The following CTNNA3 variants were observed in gnomAD, a reference collection of about 807,000 sequenced individuals.
CTNNA3 encodes catenin alpha 3.
In CTNNA3, 76 loss-of-function variants were observed where a neutral mutation model predicts 95.7. The observed-to-expected ratio is 0.79, with a 90% CI of 0.66 to 0.96. The LOEUF is 0.96. Ranked by LOEUF, CTNNA3 falls within the 40% of genes least tolerant of loss-of-function variation. The pLI is 0.00. For missense variants in CTNNA3, 1,191 were observed against 1,089.8 expected, an observed-to-expected ratio of 1.09 and a Z score of -1.31; for synonymous variants, 431 against 374.4, an observed-to-expected ratio of 1.15 and a Z score of -1.74.
At chr10:66,191,753 TG>T (rs1336431579) in intron 13 of CTNNA3, among the ~76,000 whole-genome samples, 1 of 152,186 alleles carries the variant, frequency 6.6e-6, no homozygotes, top group African/African-American at 2.4e-5. Flanking sequence ...GACTCTTCTT[TG>T]GGGACAGACT....
chr10:67,187,854 G>A (rs1232557891), intron 6 of CTNNA3, among the ~76,000 whole-genome samples: 1 of 152,134 alleles, frequency 6.6e-6, no homozygotes, highest in Non-Finnish European at 1.5e-5. Flanking sequence ...CCACAGTGCT[G>A]GAATTATAGG....
At chr10:65,941,361 C>T (rs762584058) in intron 17 of CTNNA3, among the ~76,000 whole-genome samples, 5 of 152,168 alleles carry the variant, frequency 3.3e-5, no homozygotes, top group Non-Finnish European at 7.3e-5. Context: ...GTCTACCTGA[C>T]TCCAAAGCCA....
At chr10:67,557,159 C>G (rs995627314) in intron 3 of CTNNA3, among the ~76,000 whole-genome samples, 8 of 152,058 alleles carry the variant, frequency 5.3e-5, no homozygotes, top group African/African-American at 1.9e-4. Flanking sequence ...AATGGCTAAC[C>G]TTGACTATAA....
At chr10:67,181,948 A>C (rs1471074624) in intron 6 of CTNNA3, among the ~76,000 whole-genome samples, 3 of 152,166 alleles carry the variant, frequency 2.0e-5, no homozygotes, top group Non-Finnish European at 4.4e-5. Flanking sequence ...CAATTGCTAC[A>C]AAGAGAATAA....
At chr10:67,159,377 C>T (rs557619884) in intron 7 of CTNNA3, among the ~76,000 whole-genome samples, 16 of 152,196 alleles carry the variant, frequency 1.1e-4, no homozygotes, top group South Asian at 6.2e-4. Context: ...GTTTTGTCTG[C>T]GGCTCGTCCT....
At chr10:66,109,918 T>A (rs1414509727) in intron 13 of CTNNA3, among the ~76,000 whole-genome samples, 2 of 152,054 alleles carry the variant, frequency 1.3e-5, no homozygotes, top group East Asian at 1.9e-4. Flanking sequence ...ATTTGTTTTT[T>A]AAATTTTTAA....
At chr10:67,581,425 G>A (rs1842391592) in intron 3 of CTNNA3, among the ~76,000 whole-genome samples, 1 of 152,192 alleles carries the variant, frequency 6.6e-6, no homozygotes, top group Non-Finnish European at 1.5e-5. Context: ...CATCACGGTG[G>A]ATAAGCTTTT....
intron 5 of CTNNA3, among the ~76,000 whole-genome samples, chr10:67,493,640 T>G (rs1473718347): frequency 6.6e-6 from 1 of 152,204 alleles, no homozygotes; most frequent in African/African-American, 2.4e-5. Flanking sequence ...TTTTTAATTA[T>G]TTTCATGATT....
At chr10:65,959,996 C>T (rs1670166) in intron 17 of CTNNA3, among the ~76,000 whole-genome samples, 1 of 151,940 alleles carries the variant, frequency 6.6e-6, no homozygotes. Flanking sequence ...GTGAACTTAG[C>T]TTATTTTCTC....
At chr10:66,950,291 G>T (rs1285306710) in intron 7 of CTNNA3, among the ~76,000 whole-genome samples, 1 of 151,660 alleles carries the variant, frequency 6.6e-6, no homozygotes, top group Non-Finnish European at 1.5e-5. Flanking sequence ...TTTCTAACTT[G>T]AAGTATATTT....
Position 66,033,218 on chromosome 10 carries a change from C to T in CTNNA3, c.2159+36090G>A, listed in dbSNP as rs962385382. ...CTATCTCGGCTCACTGCAACCTCCA[C>T]ATGCTGGGTTCACGCCATTCTCCTG... On this transcript the variant is annotated intron_variant, in intron 15 of 17. Coordinates refer to ENST00000433211, the MANE Select transcript of CTNNA3 (RefSeq NM_013266.4). Among the ~76,000 whole-genome samples the T allele has an allele frequency of 8.6e-5, 13 of 151,206 alleles. No individual in the cohort carries two copies. In the South Asian group the frequency reaches 1.3e-3, roughly 15 times the overall value.
intron 7 of CTNNA3, among the ~76,000 whole-genome samples, chr10:67,131,904 A>G (rs920596136): frequency 1.3e-5 from 2 of 152,092 alleles, no homozygotes; most frequent in Non-Finnish European, 2.9e-5. Flanking sequence ...TTAACTTAGA[A>G]TGGGAATTCA....
chr10:67,124,617 G>A (rs1859628552), intron 7 of CTNNA3, among the ~76,000 whole-genome samples: 1 of 151,984 alleles, frequency 6.6e-6, no homozygotes. Context: ...TTTAGTGTTC[G>A]AAATTTTACA....
At chr10:67,580,510 C>A (rs894825626) in intron 3 of CTNNA3, among the ~76,000 whole-genome samples, 7 of 151,712 alleles carry the variant, frequency 4.6e-5, no homozygotes, top group Non-Finnish European at 1.0e-4. Context: ...CAGCTTTGTT[C>A]TTTTGGCTTA....
At chr10:66,886,308 A>G (rs575211324) in intron 7 of CTNNA3, among the ~76,000 whole-genome samples, 1 of 152,222 alleles carries the variant, frequency 6.6e-6, no homozygotes, top group East Asian at 1.9e-4. Context: ...CAGGCAGGAT[A>G]GACTAAAGAA....
chr10:66,516,886 A>G (rs1017110284), intron 11 of CTNNA3, among the ~76,000 whole-genome samples: 15 of 152,186 alleles, frequency 9.9e-5, no homozygotes, highest in African/African-American at 3.6e-4. Flanking sequence ...AGATGCAACC[A>G]AGAGGGAACA....
chr10:66,527,260 T>C (rs1254514160), intron 10 of CTNNA3, among the ~76,000 whole-genome samples: 2 of 152,136 alleles, frequency 1.3e-5, no homozygotes, highest in African/African-American at 2.4e-5. Context: ...GGGATATCTT[T>C]TCTATGCCAT....
In CTNNA3 at chr10:66,103,247, G is replaced by A; in HGVS notation, c.1887C>T (p.Thr629=). 6.2e-7 allele frequency: 1 copy of A among 1,612,788 alleles called. No homozygotes were observed. Among genetic ancestry groups the A allele is most frequent in the Non-Finnish European group, 8.5e-7 (1 of 1,178,934 alleles). The part of the protein sequence containing the change: ...DIRCSVMMIR[T]PEELEDVSDL... ...CAGAAACATCCTCCAGTTCCTCTGGGGTCTATAAAAAGAAAGCAAAACATT... is the reference window on the plus strand; with the variant it reads ...CAGAAACATCCTCCAGTTCCTCTGGAGTCTATAAAAAGAAAGCAAAACATT... Residue 629 remains threonine, a splice_region_variant and synonymous_variant, in exon 14 of 18, where the codon ACC becomes ACT. Transcript: ENST00000433211.
intron 5 of CTNNA3, among the ~76,000 whole-genome samples, chr10:67,501,987 C>T (rs992887438): frequency 2.0e-5 from 3 of 152,138 alleles, no homozygotes; most frequent in East Asian, 1.9e-4. Context: ...ACTTATTCTC[C>T]GTCCAGTTTT....
Sources: gnomAD v4.1 joint callset for allele counts (sites outside exome capture counted in the v4.1 genomes callset) on GRCh38, gnomAD v4.1.1 for gene constraint, MANE v1.5 for transcripts, NCBI Gene and HGNC (gene_info 2026-07-23, HGNC 2026-07-21) for gene names.